Variants in KCNU1 observed in about 807,000 individuals in gnomAD.
KCNU1 encodes the protein potassium channel subfamily U member 1.
A neutral mutation model predicts 126.8 loss-of-function variants in KCNU1; 93 were observed. The ratio of observed to expected loss-of-function variants is 0.73; its 90% CI spans 0.62 to 0.87. The LOEUF is 0.87. KCNU1 is among the 40% of genes least tolerant of loss of function. The pLI is 0.00. For synonymous variants in KCNU1, 523 were observed against 494.2 expected, an observed-to-expected ratio of 1.06 and a Z score of -0.77; for missense variants, 1,330 against 1,367.1, an observed-to-expected ratio of 0.97 and a Z score of 0.43.
At chr8:36,894,754 T>C (rs1401573955) in intron 19 of KCNU1, among the ~76,000 whole-genome samples, 1 of 152,094 alleles carries the variant, frequency 6.6e-6, no homozygotes, top group Admixed American at 6.6e-5. Flanking sequence ...TTCAGTATAA[T>C]CTGAAGCGGA....
intron 19 of KCNU1, 90 bp from the exon 20 acceptor site, chr8:36,905,618 A>G: frequency 1.3e-6 from 1 of 777,648 alleles, no homozygotes; most frequent in Non-Finnish European, 2.3e-6. Flanking sequence ...CTCCTCTTTG[A>G]GCTCAAGGCT....
intron 19 of KCNU1, among the ~76,000 whole-genome samples, chr8:36,902,951 A>T (rs762603142): frequency 1.3e-5 from 2 of 152,180 alleles, no homozygotes; most frequent in African/African-American, 4.8e-5. Context: ...TGAAGCTTAT[A>T]TGTTACATTG....
At chr8:36,837,761 G>A (rs2130563860) in intron 14 of KCNU1, among the ~76,000 whole-genome samples, 1 of 152,282 alleles carries the variant, frequency 6.6e-6, no homozygotes, top group South Asian at 2.1e-4. Context: ...AAATGCTCCA[G>A]GCAAGGTGTG....
At chr8:36,918,940 G>A in intron 23 of KCNU1, 43 bp downstream of exon 23, 1 of 1,220,808 alleles carries the variant, frequency 8.2e-7, no homozygotes, top group Non-Finnish European at 1.2e-6. Context: ...AGAAATTTTT[G>A]TGATATATAA....
intron 19 of KCNU1, among the ~76,000 whole-genome samples, chr8:36,904,758 A>G (rs773004007): frequency 7.2e-5 from 11 of 152,120 alleles, no homozygotes; most frequent in Non-Finnish European, 1.5e-4. Flanking sequence ...AGGAGGATGC[A>G]TGTTCCAGAT....
chr8:36,868,676 T>C (rs1257515382), intron 19 of KCNU1, among the ~76,000 whole-genome samples: 1 of 152,138 alleles, frequency 6.6e-6, no homozygotes, highest in Admixed American at 6.6e-5. Flanking sequence ...GAATAAGCAA[T>C]GTTATAAACA....
At chr8:36,795,099 C>CA (rs1204943309) in intron 2 of KCNU1, among the ~76,000 whole-genome samples, 2 of 152,068 alleles carry the variant, frequency 1.3e-5, no homozygotes, top group Non-Finnish European at 2.9e-5. Context: ...CCCCACAGGG[C>CA]AAAAAAGGAT....
At chr8:36,845,456 G>C (rs1805107646) in intron 16 of KCNU1, 124 bp from the exon 17 acceptor site, 3 of 620,866 alleles carry the variant, frequency 4.8e-6, no homozygotes, top group Middle Eastern at 4.0e-4. Context: ...TTGGCAGTAA[G>C]AGGAGGTTGA....
At chr8:36,879,882 C>G (rs937488494) in intron 19 of KCNU1, among the ~76,000 whole-genome samples, 15 of 152,272 alleles carry the variant, frequency 9.9e-5, no homozygotes, top group South Asian at 2.1e-4. Flanking sequence ...TTTAATAAGG[C>G]TTGGAAACTT....
In KCNU1 at chr8:36,918,894, C is replaced by G. The variant is rs1375662144; in HGVS notation, c.2593C>G (p.Leu865Val). Residue 865 changes from leucine to valine, a missense_variant, in exon 23 of 27, where the codon CTG becomes GTG. Physicochemically the swap from Leu to Val is conservative, Grantham distance 32 (BLOSUM62 1). Around this residue, in one of 3 missense-constraint regions of KCNU1, gnomAD observed 1,054 missense variants for 1,053.9 expected, o/e 1.00. Coordinates refer to ENST00000399881, the MANE Select transcript of KCNU1 (RefSeq NM_001031836.3). Reference protein sequence around the residue: ...NCRKVPILTELKNPSNIHFIE... With the variant: ...NCRKVPILTEVKNPSNIHFIE... ...CCGAAAAGTCCCTATCCTTACTGAA[C>G]TGAGTAAGTGGTGTTTCGAGGGGAA... is the stretch of plus-strand genomic sequence containing the variant. 6.3e-7 allele frequency: 1 copy of G among 1,582,000 alleles called. No individual in the cohort carries two copies. The highest frequency in any genetic ancestry group is 1.1e-5 in the South Asian group (1 of 90,320).
chr8:36,837,831 T>C (rs1804809259), intron 14 of KCNU1, among the ~76,000 whole-genome samples: 1 of 152,126 alleles, frequency 6.6e-6, no homozygotes, highest in African/African-American at 2.4e-5. Context: ...ATGACCTTAC[T>C]TTCCATTTAA....
chr8:36,803,546 C>A (rs1357519408), intron 2 of KCNU1, among the ~76,000 whole-genome samples: 4 of 152,028 alleles, frequency 2.6e-5, no homozygotes, highest in Non-Finnish European at 5.9e-5. Context: ...TTCTGGCTAT[C>A]CTTTAGGGAA....
chr8:36,895,012 A>G (rs1452067656), intron 19 of KCNU1, among the ~76,000 whole-genome samples: 4 of 152,078 alleles, frequency 2.6e-5, no homozygotes, highest in African/African-American at 9.7e-5. Context: ...AAGTTTTGTA[A>G]GAAATAAAAT....
chr8:36,838,165 T>C (rs1385326485), intron 14 of KCNU1, among the ~76,000 whole-genome samples: 2 of 152,212 alleles, frequency 1.3e-5, no homozygotes, highest in East Asian at 1.9e-4. Flanking sequence ...TTTCATGTAG[T>C]GGTCACTGTA....
intron 19 of KCNU1, among the ~76,000 whole-genome samples, chr8:36,866,808 C>T (rs926830425): frequency 5.3e-5 from 8 of 151,820 alleles, no homozygotes; most frequent in South Asian, 2.1e-4. Flanking sequence ...TTGGCAGCAC[C>T]GTAAAGTGAC....
At chr8:36,873,009 G>A (rs1477088623) in intron 19 of KCNU1, among the ~76,000 whole-genome samples, 1 of 152,158 alleles carries the variant, frequency 6.6e-6, no homozygotes. Context: ...AACCTGGGAG[G>A]TGGAGGTTGT....
chr8:36,925,297 G>T lies in KCNU1; in HGVS notation c.2736+2668G>T, dbSNP rs989434305. 3.3e-5 allele frequency among the ~76,000 whole-genome samples: 5 copies of T among 152,278 alleles called. No homozygotes were observed. The South Asian group carries it at 6.2e-4, about 19-fold the overall frequency. On this transcript the variant is annotated intron_variant, in intron 24 of 26. Coordinates refer to ENST00000399881, the MANE Select transcript of KCNU1 (RefSeq NM_001031836.3). ...CTTGATAAGTACTTATTTTAGGACT[G>T]GCATTTGCTCAACTGAATTTGGGCA...
chr8:36,840,631 C>T (rs1212454850), intron 15 of KCNU1, 56 bp downstream of exon 15: 8 of 1,018,942 alleles, frequency 7.9e-6, no homozygotes, highest in South Asian at 2.7e-5. Flanking sequence ...CTTTCAACAA[C>T]GTTCACTGAG....
intron 18 of KCNU1, among the ~76,000 whole-genome samples, chr8:36,847,004 C>A (rs1175874394): frequency 6.6e-6 from 1 of 152,108 alleles, no homozygotes. Context: ...TTGCAGTGAA[C>A]CGCAAGTCTT....
Sources: allele counts gnomAD v4.1 joint callset (sites outside exome capture counted in the v4.1 genomes callset), GRCh38; gene constraint gnomAD v4.1.1; regional missense constraint gnomAD v4.1.1; transcripts MANE v1.5; gene names NCBI Gene and HGNC (gene_info 2026-07-23, HGNC 2026-07-21).